The following KHDRBS3 variants were observed in gnomAD, a reference collection of about 807,000 sequenced individuals.
KHDRBS3 encodes KH RNA binding domain containing, signal transduction associated 3.
In KHDRBS3, 23 loss-of-function variants were observed where a neutral mutation model predicts 45.6. The ratio of observed to expected loss-of-function variants is 0.50; its 90% CI spans 0.36 to 0.72. The LOEUF is 0.72. KHDRBS3 is among the 30% of genes least tolerant of loss of function. KHDRBS3 has a pLI of 0.00. For synonymous variants in KHDRBS3, 162 were observed against 156.5 expected, an observed-to-expected ratio of 1.04 and a Z score of -0.26; for missense variants, 352 against 424.8, an observed-to-expected ratio of 0.83 and a Z score of 1.51.
At chr8:135,548,215 C>A (rs115943654) in intron 3 of KHDRBS3, among the ~76,000 whole-genome samples, 1,874 of 152,242 alleles carry the variant, frequency 0.012, 28 homozygotes, top group African/African-American at 0.042. Context: ...ATGGAAAATG[C>A]ATCACTAAGC....
intron 1 of KHDRBS3, among the ~76,000 whole-genome samples, chr8:135,490,025 T>TA (rs1823062368): frequency 6.6e-6 from 1 of 152,186 alleles, no homozygotes; most frequent in Non-Finnish European, 1.5e-5. Context: ...ACCATTGTGT[T>TA]ACAGTTGTCT....
At chr8:135,528,332 A>G (rs184642069) in intron 2 of KHDRBS3, among the ~76,000 whole-genome samples, 19 of 152,270 alleles carry the variant, frequency 1.2e-4, no homozygotes, top group African/African-American at 4.3e-4. Context: ...TCCTTGTAGT[A>G]TGTCATAGAC....
intron 1 of KHDRBS3, among the ~76,000 whole-genome samples, chr8:135,509,956 A>C (rs1027933534): frequency 2.7e-5 from 4 of 149,204 alleles, no homozygotes; most frequent in Non-Finnish European, 3.0e-5. Context: ...GGTACATTGA[A>C]ATTTTCTTTC....
In KHDRBS3 at chr8:135,460,596, A is replaced by G. The variant is rs1302752934; in HGVS notation, c.88+2642A>G. Among the ~76,000 whole-genome samples, 8 of 152,362 alleles carry G rather than the reference A, an allele frequency of 5.3e-5. No homozygotes were observed. The South Asian group carries it at 1.7e-3, about 32-fold the overall frequency. On this transcript the variant is annotated intron_variant, in intron 1 of 8. Coordinates refer to ENST00000355849, the MANE Select transcript of KHDRBS3 (RefSeq NM_006558.3). The stretch of plus-strand genomic sequence containing the variant: ...CTTGCTAACTTCAGACCCTGCAGAA[A>G]TCAATATAATTAGTATGATTGTTTC...
chr8:135,586,487 T>TAA (rs1166674891), intron 6 of KHDRBS3, among the ~76,000 whole-genome samples: 1 of 152,142 alleles, frequency 6.6e-6, no homozygotes, highest in Non-Finnish European at 1.5e-5. Flanking sequence ...TGCAATTCAC[T>TAA]AATTCCCTGG....
chr8:135,505,504 G>A (rs1438632727), intron 1 of KHDRBS3, among the ~76,000 whole-genome samples: 1 of 152,176 alleles, frequency 6.6e-6, no homozygotes, highest in African/African-American at 2.4e-5. Flanking sequence ...TACCAAGAGG[G>A]TGTATCAATC....
At chr8:135,493,490 A>G (rs1003991607) in intron 1 of KHDRBS3, among the ~76,000 whole-genome samples, 2 of 151,936 alleles carry the variant, frequency 1.3e-5, no homozygotes, top group African/African-American at 2.4e-5. Flanking sequence ...TTTTGCTGCA[A>G]GTTTTTATTA....
At chr8:135,642,475 T>A (rs530606032) in intron 7 of KHDRBS3, among the ~76,000 whole-genome samples, 1 of 152,242 alleles carries the variant, frequency 6.6e-6, no homozygotes, top group Non-Finnish European at 1.5e-5. Context: ...TAAATTTTTT[T>A]AGGAATGCCA....
chr8:135,607,060 A>G, intron 7 of KHDRBS3, 23 bp downstream of exon 7: 1 of 1,559,208 alleles, frequency 6.4e-7, no homozygotes, highest in Non-Finnish European at 8.8e-7. Flanking sequence ...CTTTATTACC[A>G]GACCCCACAA....
intron 6 of KHDRBS3, among the ~76,000 whole-genome samples, chr8:135,594,938 G>T (rs912246980): frequency 6.6e-6 from 1 of 152,176 alleles, no homozygotes; most frequent in Admixed American, 6.5e-5. Flanking sequence ...TAAGAATCCT[G>T]TAGGCAAAAC....
downstream of KHDRBS3, among the ~76,000 whole-genome samples, chr8:135,651,321 TA>T (rs1381992566): frequency 1.3e-5 from 2 of 150,578 alleles, no homozygotes; most frequent in Non-Finnish European, 3.0e-5. Context: ...ATATGATATA[TA>T]AAATATCATA....
chr8:135,487,934 A>G (rs1474730992), intron 1 of KHDRBS3, among the ~76,000 whole-genome samples: 1 of 152,230 alleles, frequency 6.6e-6, no homozygotes, highest in Non-Finnish European at 1.5e-5. Flanking sequence ...AGATCTTGTT[A>G]CACAGAAGTG....
At chr8:135,616,171 G>A (rs910577906) in intron 7 of KHDRBS3, among the ~76,000 whole-genome samples, 3 of 152,044 alleles carry the variant, frequency 2.0e-5, no homozygotes, top group African/African-American at 7.2e-5. Flanking sequence ...AACTTCTGTA[G>A]GATTGTCATT....
intron 2 of KHDRBS3, among the ~76,000 whole-genome samples, chr8:135,534,016 A>C (rs1359648668): frequency 1.3e-5 from 2 of 152,200 alleles, no homozygotes; most frequent in Non-Finnish European, 2.9e-5. Flanking sequence ...TTTTGCTTTC[A>C]CACCATCATA....
chr8:135,535,181 T>C (rs1246492689), intron 2 of KHDRBS3, among the ~76,000 whole-genome samples: 2 of 151,064 alleles, frequency 1.3e-5, no homozygotes, highest in East Asian at 3.9e-4. Context: ...GTGAAAATCA[T>C]ATAGTTTATA....
At chr8:135,484,310 C>T (rs1429790604) in intron 1 of KHDRBS3, among the ~76,000 whole-genome samples, 2 of 152,230 alleles carry the variant, frequency 1.3e-5, no homozygotes, top group African/African-American at 4.8e-5. Flanking sequence ...CTCCCTTCCT[C>T]ACCATCGCTA....
intron 1 of KHDRBS3, among the ~76,000 whole-genome samples, chr8:135,501,533 C>T (rs1229661406): frequency 2.0e-5 from 3 of 152,010 alleles, no homozygotes; most frequent in Non-Finnish European, 2.9e-5. Context: ...TGAAAGAACA[C>T]GAATTAATTC....
intron 7 of KHDRBS3, among the ~76,000 whole-genome samples, chr8:135,616,077 T>C (rs1198755848): frequency 2.0e-5 from 3 of 152,228 alleles, no homozygotes; most frequent in Non-Finnish European, 4.4e-5. Flanking sequence ...TTTGAAGGAA[T>C]GAAATATCTA....
intron 3 of KHDRBS3, among the ~76,000 whole-genome samples, chr8:135,545,464 C>G (rs1186163720): frequency 1.3e-5 from 2 of 152,112 alleles, no homozygotes; most frequent in Non-Finnish European, 2.9e-5. Context: ...TTAATTTATT[C>G]TTAGGTTTTC....
Sources: allele counts gnomAD v4.1 joint callset (sites outside exome capture counted in the v4.1 genomes callset), GRCh38; gene constraint gnomAD v4.1.1; transcripts MANE v1.5; gene names NCBI Gene and HGNC (gene_info 2026-07-23, HGNC 2026-07-21).